PARD3: variants seen among roughly 807,000 people sequenced by gnomAD.
The protein encoded by PARD3 is par-3 family cell polarity regulator.
PARD3 carries 75 observed loss-of-function variants against 155.4 expected under a neutral mutation model. The observed-to-expected ratio is 0.48, with a 90% CI of 0.40 to 0.58. The LOEUF (loss-of-function observed/expected upper bound fraction) is 0.58, where lower values mean the gene tolerates loss of function less well. Ranked by LOEUF, PARD3 falls within the 20% of genes least tolerant of loss-of-function variation. The pLI is 0.00. For missense variants in PARD3, 1,642 were observed against 1,721.7 expected, an observed-to-expected ratio of 0.95 and a Z score of 0.82; for synonymous variants, 576 against 610.5, an observed-to-expected ratio of 0.94 and a Z score of 0.83.
intron 1 of PARD3, among the ~76,000 whole-genome samples, chr10:34,738,561 T>C (rs538906380): frequency 2.0e-5 from 3 of 151,322 alleles, no homozygotes; most frequent in African/African-American, 7.3e-5. Flanking sequence ...AAAGCCAACA[T>C]ACGGAGACCC....
At chr10:34,714,777 T>A (rs868614261) in intron 1 of PARD3, among the ~76,000 whole-genome samples, 828 of 74,040 alleles carry the variant, frequency 0.011, 6 homozygotes, top group African/African-American at 0.028. Flanking sequence ...ACATCAAAAT[T>A]TTTTTTTTTT....
chr10:34,256,808 T>C (rs531856693), intron 22 of PARD3, among the ~76,000 whole-genome samples: 12 of 148,888 alleles, frequency 8.1e-5, no homozygotes, highest in Admixed American at 7.3e-4. Context: ...CACTCTAACA[T>C]TGGAGTCCAT....
chr10:34,674,930 C>T (rs2093676814), intron 2 of PARD3, among the ~76,000 whole-genome samples: 2 of 152,296 alleles, frequency 1.3e-5, no homozygotes, highest in South Asian at 2.1e-4. Context: ...TAAAACAACA[C>T]ACCTTACTAT....
At chr10:34,312,226 A>C (rs1957737548) in intron 20 of PARD3, 1 of 1,550,386 alleles carries the variant, frequency 6.5e-7, no homozygotes, top group African/African-American at 1.4e-5. Context: ...CAAACTGCTG[A>C]TGTCGTAAAC....
intron 19 of PARD3, among the ~76,000 whole-genome samples, chr10:34,319,335 C>A (rs1170784681): frequency 1.3e-5 from 2 of 151,604 alleles, no homozygotes; most frequent in East Asian, 3.9e-4. Context: ...GATCCACCAG[C>A]CTCTCCTCCC....
intron 22 of PARD3, among the ~76,000 whole-genome samples, chr10:34,220,285 G>A (rs12774016): frequency 0.032 from 4,887 of 152,042 alleles, 114 homozygotes; most frequent in East Asian, 0.13. Flanking sequence ...GTGACATCCC[G>A]CGTTTTTAAA....
At chr10:34,579,908 GA>G (rs574829315) in intron 2 of PARD3, among the ~76,000 whole-genome samples, 1,539 of 130,226 alleles carry the variant, frequency 0.012, 7 homozygotes, top group Non-Finnish European at 0.018. Flanking sequence ...TTTCACTACA[GA>G]AAAAAAAAAA....
intron 2 of PARD3, among the ~76,000 whole-genome samples, chr10:34,689,811 G>C (rs1338350500): frequency 6.6e-6 from 1 of 152,142 alleles, no homozygotes; most frequent in African/African-American, 2.4e-5. Context: ...GCTTGGTTTT[G>C]TGTATAATCT....
At chr10:34,690,419 A>G (rs190586092) in intron 2 of PARD3, among the ~76,000 whole-genome samples, 127 of 152,354 alleles carry the variant, frequency 8.3e-4, no homozygotes, top group Middle Eastern at 6.8e-3. Context: ...TACTGGCTCC[A>G]AACATAAACT....
In PARD3 at chr10:34,312,214, A is replaced by C. The variant is rs976843000; in HGVS notation, c.3065+4893T>G. 2.1e-5 allele frequency: 31 copies of C among 1,505,866 alleles called. No homozygotes were observed. In the Admixed American group the frequency reaches 5.4e-4, roughly 26 times the overall value. The allele number at this position is 1,505,866 out of a possible 1,614,324, so 93.3% of individuals were successfully genotyped here. A position where few individuals can be genotyped will look rare whatever the true frequency, so the allele number is the denominator to read the frequency against. On this transcript the variant is annotated intron_variant, in intron 20 of 24. Transcript: ENST00000374788. ...GGATTAATAAGGAAATTACTAAACC[A>C]TCAAACTGCTGATGTCGTAAACAAA...
At chr10:34,557,113 G>A (rs1364284611) in intron 2 of PARD3, among the ~76,000 whole-genome samples, 1 of 152,148 alleles carries the variant, frequency 6.6e-6, no homozygotes, top group Non-Finnish European at 1.5e-5. Flanking sequence ...CTGACTTTCT[G>A]CCAGATAATA....
At chr10:34,373,076 A>G (rs1261763089) in intron 11 of PARD3, among the ~76,000 whole-genome samples, 1 of 152,154 alleles carries the variant, frequency 6.6e-6, no homozygotes, top group African/African-American at 2.4e-5. Context: ...GATTGATAAA[A>G]GTATTTAGAT....
chr10:34,649,425 A>C (rs553958558), intron 2 of PARD3, among the ~76,000 whole-genome samples: 1 of 152,362 alleles, frequency 6.6e-6, no homozygotes, highest in African/African-American at 2.4e-5. Context: ...TAGGCTACAA[A>C]CCTGTACAAC....
intron 4 of PARD3, among the ~76,000 whole-genome samples, chr10:34,451,776 T>TC (rs1413821591): frequency 6.6e-6 from 1 of 150,860 alleles, no homozygotes; most frequent in African/African-American, 2.4e-5. Context: ...GCAGCAAGTT[T>TC]TTTTTTTTTT....
At chr10:34,207,312 A>G (rs1042662961) in intron 22 of PARD3, among the ~76,000 whole-genome samples, 2 of 152,230 alleles carry the variant, frequency 1.3e-5, no homozygotes, top group African/African-American at 4.8e-5. Flanking sequence ...TTTAAAAATA[A>G]GCACAGCAGC....
intron 2 of PARD3, among the ~76,000 whole-genome samples, chr10:34,563,893 C>A (rs974085710): frequency 6.6e-6 from 1 of 152,066 alleles, no homozygotes; most frequent in Non-Finnish European, 1.5e-5. Flanking sequence ...TATAAAACAC[C>A]GTGTCTTGTA....
At chr10:34,665,402 C>T (rs1222974709) in intron 2 of PARD3, among the ~76,000 whole-genome samples, 2 of 151,594 alleles carry the variant, frequency 1.3e-5, no homozygotes, top group Admixed American at 1.3e-4. Context: ...TGCCTGTAAT[C>T]CCAGCTCCTC....
chr10:34,478,355 T>C (rs576151406), intron 3 of PARD3, among the ~76,000 whole-genome samples: 24 of 152,332 alleles, frequency 1.6e-4, no homozygotes, highest in African/African-American at 5.1e-4. Context: ...AATTCAGATC[T>C]GATCACATTG....
intron 22 of PARD3, among the ~76,000 whole-genome samples, chr10:34,169,274 A>G (rs1949677842): frequency 6.6e-6 from 1 of 152,232 alleles, no homozygotes; most frequent in African/African-American, 2.4e-5. Flanking sequence ...CAATTGCACA[A>G]GAAGATAAAA....
Sources: allele counts gnomAD v4.1 joint callset (sites outside exome capture counted in the v4.1 genomes callset), GRCh38; gene constraint gnomAD v4.1.1; transcripts MANE v1.5; gene names NCBI Gene and HGNC (gene_info 2026-07-23, HGNC 2026-07-21).